SH3RF3: variants seen among roughly 807,000 people sequenced by gnomAD.
SH3RF3 encodes E3 ubiquitin-protein ligase SH3RF3.
SH3RF3 carries 29 observed loss-of-function variants against 66.3 expected under a neutral mutation model. The ratio of observed to expected loss-of-function variants is 0.44; its 90% CI spans 0.33 to 0.60. The LOEUF is 0.60. SH3RF3 is among the 20% of genes least tolerant of loss of function. The pLI is 0.04. For missense variants in SH3RF3, 1,194 were observed against 1,190.9 expected, an observed-to-expected ratio of 1.00 and a Z score of -0.04; for synonymous variants, 583 against 532.0, an observed-to-expected ratio of 1.10 and a Z score of -1.32.
At chr2:109,135,869 T>C (rs1676803038) in intron 1 of SH3RF3, among the ~76,000 whole-genome samples, 2 of 152,080 alleles carry the variant, frequency 1.3e-5, no homozygotes, top group Admixed American at 6.5e-5. Context: ...CAAACTTCAT[T>C]AAAAGGGAAA....
At chr2:109,263,175 G>A (rs1558989329) in intron 1 of SH3RF3, among the ~76,000 whole-genome samples, 1 of 152,202 alleles carries the variant, frequency 6.6e-6, no homozygotes, top group South Asian at 2.1e-4. Flanking sequence ...AGTTAAGAAC[G>A]GCAGAGACAT....
Position 109,318,389 on chromosome 2 carries a change from A to G in SH3RF3, c.574-29285A>G, listed in dbSNP as rs543821661. Among the ~76,000 whole-genome samples, 9 of 152,236 alleles carry G rather than the reference A, an allele frequency of 5.9e-5. No individual in the cohort carries two copies. In the East Asian group the frequency reaches 1.6e-3, roughly 26 times the overall value. Reference sequence around the variant, plus strand: ...TCGCTGCACAGACCTGGGGTGAGGAAGAAATGCCGCCGAGCGCCAGAAGAT... The same window carrying G: ...TCGCTGCACAGACCTGGGGTGAGGAGGAAATGCCGCCGAGCGCCAGAAGAT... On this transcript the variant is annotated intron_variant, in intron 1 of 9. Coordinates refer to ENST00000309415, the MANE Select transcript of SH3RF3 (RefSeq NM_001099289.3).
intron 1 of SH3RF3, among the ~76,000 whole-genome samples, chr2:109,259,542 A>G (rs1462224548): frequency 2.0e-5 from 3 of 152,174 alleles, no homozygotes; most frequent in Non-Finnish European, 4.4e-5. Flanking sequence ...ATGCCTTAAC[A>G]TCCCAAGAGG....
chr2:109,485,346 G>GTATC (rs1252678131), intron 8 of SH3RF3, among the ~76,000 whole-genome samples: 2 of 152,220 alleles, frequency 1.3e-5, no homozygotes, highest in Non-Finnish European at 2.9e-5. Flanking sequence ...GAAATGACTT[G>GTATC]TATCTCTGTT....
chr2:109,183,975 C>T (rs1312835806), intron 1 of SH3RF3, among the ~76,000 whole-genome samples: 3 of 152,212 alleles, frequency 2.0e-5, no homozygotes, highest in Non-Finnish European at 4.4e-5. Context: ...CAGTTATTCT[C>T]TTCTGTAGAA....
At chr2:109,412,465 TAAC>T (rs1676617445) in intron 4 of SH3RF3, among the ~76,000 whole-genome samples, 1 of 152,212 alleles carries the variant, frequency 6.6e-6, no homozygotes, top group Non-Finnish European at 1.5e-5. Flanking sequence ...GCAGGCATGG[TAAC>T]AACAGCAGGA....
chr2:109,211,648 C>CTTT (rs67139652), intron 1 of SH3RF3, among the ~76,000 whole-genome samples: 38,411 of 142,360 alleles, frequency 0.27, 5,479 homozygotes, highest in East Asian at 0.45. Flanking sequence ...GCATTTCTTT[C>CTTT]TTTTTTTTTT....
intron 1 of SH3RF3, among the ~76,000 whole-genome samples, chr2:109,333,596 G>A (rs1264542927): frequency 6.6e-6 from 1 of 152,158 alleles, no homozygotes; most frequent in Non-Finnish European, 1.5e-5. Context: ...TGCTACAATG[G>A]CAGAGTTGAA....
chr2:109,217,600 A>G (rs1018962132), intron 1 of SH3RF3, among the ~76,000 whole-genome samples: 21 of 152,252 alleles, frequency 1.4e-4, no homozygotes, highest in African/African-American at 4.3e-4. Flanking sequence ...TGCATGTGTT[A>G]TAAACAGAAT....
At chr2:109,366,212 TTAA>T (rs1352209294) in intron 2 of SH3RF3, among the ~76,000 whole-genome samples, 3 of 152,232 alleles carry the variant, frequency 2.0e-5, no homozygotes, top group Non-Finnish European at 4.4e-5. Context: ...AATAGTAAAA[TTAA>T]TGATGACATT....
intron 5 of SH3RF3, 63 bp from the exon 6 acceptor site, chr2:109,432,438 G>T: frequency 6.3e-7 from 1 of 1,586,260 alleles, no homozygotes. Context: ...CCCCAGGAAT[G>T]CCGGCCGGTC....
chr2:109,376,951 A>T (rs1482984095), intron 3 of SH3RF3, among the ~76,000 whole-genome samples: 1 of 152,232 alleles, frequency 6.6e-6, no homozygotes, highest in South Asian at 2.1e-4. Flanking sequence ...ACAGACAGAG[A>T]TGGGGTGCGG....
At chr2:109,494,339 A>C (rs1679201084) in intron 9 of SH3RF3, among the ~76,000 whole-genome samples, 1 of 152,168 alleles carries the variant, frequency 6.6e-6, no homozygotes, top group African/African-American at 2.4e-5. Context: ...ATTAAAGAGA[A>C]GTGTTTCCAA....
intron 4 of SH3RF3, among the ~76,000 whole-genome samples, chr2:109,414,546 C>T (rs1275376717): frequency 6.6e-6 from 1 of 152,192 alleles, no homozygotes; most frequent in Non-Finnish European, 1.5e-5. Context: ...GCTACGGTCA[C>T]AAACACAGGT....
At position 109,440,320 on chromosome 2, in the gene SH3RF3, A is replaced by C. The variant is rs144726284; in HGVS notation, c.1828+3174A>C. 7.7e-4 allele frequency among the ~76,000 whole-genome samples: 117 copies of C among 152,284 alleles called. 5 individuals are homozygous for C. In the East Asian group the frequency reaches 0.017, roughly 22 times the overall value. On this transcript the variant is annotated intron_variant, in intron 7 of 9. Transcript: ENST00000309415. ...GGGGAGCTCTTGGGCCGCCGAGGCC[A>C]GGGGCCCATGGACGCTGGAATACGG...
At position 109,301,583 on chromosome 2, in the gene SH3RF3, G is replaced by A. The variant is rs138542820; in HGVS notation, c.574-46091G>A. Among the ~76,000 whole-genome samples, 516 of 152,262 alleles carry A rather than the reference G, an allele frequency of 3.4e-3. 2 individuals are homozygous for A. The highest frequency in any genetic ancestry group is 0.012 in the African/African-American group (501 of 41,552). On this transcript the variant is annotated intron_variant, in intron 1 of 9. Coordinates refer to ENST00000309415, the MANE Select transcript of SH3RF3 (RefSeq NM_001099289.3). ...CAGCCTCTGACAGCCTAGTGTCTAC[G>A]CTACCACCGTCCCCAGGGCCTCTGT...
chr2:109,486,162 T>G (rs1217878849), intron 8 of SH3RF3, among the ~76,000 whole-genome samples: 2 of 152,250 alleles, frequency 1.3e-5, no homozygotes, highest in Non-Finnish European at 2.9e-5. Context: ...CATTACTCTT[T>G]GTCGTCTGGA....
chr2:109,307,644 A>G (rs1203858997), intron 1 of SH3RF3, among the ~76,000 whole-genome samples: 20 of 138,308 alleles, frequency 1.4e-4, no homozygotes, highest in Admixed American at 3.7e-4. Context: ...TCATTGTTCA[A>G]TTCCCACCTA....
At chr2:109,406,842 AG>A (rs1676464405) in intron 4 of SH3RF3, among the ~76,000 whole-genome samples, 1 of 152,150 alleles carries the variant, frequency 6.6e-6, no homozygotes, top group South Asian at 2.1e-4. Context: ...TGCGCATTTC[AG>A]TGGTCGAAGC....
Sources: allele counts gnomAD v4.1 joint callset (sites outside exome capture counted in the v4.1 genomes callset), GRCh38; gene constraint gnomAD v4.1.1; transcripts MANE v1.5; gene names NCBI Gene and HGNC (gene_info 2026-07-23, HGNC 2026-07-21).